The following AVEN variants were observed in gnomAD, a reference collection of about 807,000 sequenced individuals.
AVEN encodes cell death regulator Aven.
AVEN carries 41 observed loss-of-function variants against 38.1 expected under a neutral mutation model. That is an observed-to-expected ratio of 1.08 (90% CI 0.84 to 1.40). AVEN has a LOEUF of 1.40. AVEN is among the 40% of genes most tolerant of loss of function. The pLI, the probability that AVEN is intolerant of heterozygous loss-of-function variation, is 0.00. For missense variants in AVEN, 605 were observed against 438.8 expected, an observed-to-expected ratio of 1.38 and a Z score of -3.38; for synonymous variants, 206 against 171.8, an observed-to-expected ratio of 1.20 and a Z score of -1.56.
chr15:34,025,348 C>T (rs748172756), intron 1 of AVEN, among the ~76,000 whole-genome samples: 1 of 152,218 alleles, frequency 6.6e-6, no homozygotes, highest in Admixed American at 6.5e-5. Flanking sequence ...ATAAAATCGA[C>T]AAGAAGTTTA....
intron 1 of AVEN, among the ~76,000 whole-genome samples, chr15:34,016,989 G>A (rs1897943737): frequency 7.0e-6 from 1 of 141,936 alleles, no homozygotes; most frequent in South Asian, 2.4e-4. Context: ...AAATTAGCCA[G>A]GCATGGTGGC....
chr15:33,973,485 C>T (rs1332625732), intron 2 of AVEN, among the ~76,000 whole-genome samples: 17 of 152,152 alleles, frequency 1.1e-4, no homozygotes, highest in Admixed American at 7.9e-4. Context: ...TACAGAAGAG[C>T]TTCTCATGCC....
intron 2 of AVEN, among the ~76,000 whole-genome samples, chr15:33,903,199 G>C (rs116556833): frequency 0.051 from 7,837 of 152,260 alleles, 277 homozygotes; most frequent in African/African-American, 0.074. Flanking sequence ...GAGGGATTAT[G>C]CAGAATCCAT....
intron 2 of AVEN, among the ~76,000 whole-genome samples, chr15:33,885,076 T>C (rs1891649527): frequency 6.6e-6 from 1 of 152,168 alleles, no homozygotes; most frequent in South Asian, 2.1e-4. Context: ...TCTTCCTTTA[T>C]CTATCCCACA....
At chr15:34,038,366 G>A (rs889291749) in intron 1 of AVEN, among the ~76,000 whole-genome samples, 12 of 152,146 alleles carry the variant, frequency 7.9e-5, no homozygotes, top group African/African-American at 2.9e-4. Context: ...CTAATAACAG[G>A]AGCGTGCCCG....
intron 2 of AVEN, among the ~76,000 whole-genome samples, chr15:33,961,669 C>G (rs539965806): frequency 1.3e-5 from 2 of 151,476 alleles, no homozygotes; most frequent in South Asian, 2.1e-4. Context: ...AAAAATTAGC[C>G]GGGCGTGGTG....
intron 2 of AVEN, among the ~76,000 whole-genome samples, chr15:33,996,519 T>C (rs1230362248): frequency 6.6e-6 from 1 of 152,166 alleles, no homozygotes; most frequent in Non-Finnish European, 1.5e-5. Context: ...TGTCCTGCAA[T>C]ATTTGCTGTT....
At chr15:33,886,412 C>G (rs1891703807) in intron 2 of AVEN, among the ~76,000 whole-genome samples, 1 of 152,228 alleles carries the variant, frequency 6.6e-6, no homozygotes, top group Non-Finnish European at 1.5e-5. Flanking sequence ...AAGTGAGTCT[C>G]CTGCCTCACC....
At chr15:33,901,470 T>C (rs551491497) in intron 2 of AVEN, among the ~76,000 whole-genome samples, 1 of 152,326 alleles carries the variant, frequency 6.6e-6, no homozygotes, top group South Asian at 2.1e-4. Context: ...GAAATGAACA[T>C]AGAGTACAGA....
intron 1 of AVEN, among the ~76,000 whole-genome samples, chr15:34,008,218 C>G (rs1163278315): frequency 6.6e-6 from 1 of 151,856 alleles, no homozygotes; most frequent in Non-Finnish European, 1.5e-5. Context: ...GCCAGGAGTT[C>G]AAGACCAGCC....
At chr15:33,901,339 A>C (rs1163683843) in intron 2 of AVEN, among the ~76,000 whole-genome samples, 1 of 152,220 alleles carries the variant, frequency 6.6e-6, no homozygotes, top group Non-Finnish European at 1.5e-5. Flanking sequence ...ATATTCACAC[A>C]CTAGAAGTCC....
chr15:34,048,835 A>T (rs748088369), intron 5 of AVEN, among the ~76,000 whole-genome samples: 3 of 152,228 alleles, frequency 2.0e-5, no homozygotes, highest in Non-Finnish European at 4.4e-5. Context: ...CTCCAAAGGA[A>T]GGAGCAGTCT....
Position 33,962,868 on chromosome 15 carries a change from C to T in AVEN, c.445+40164G>A, listed in dbSNP as rs2140475306. 1.4e-5 allele frequency among the ~76,000 whole-genome samples: 2 copies of T among 141,864 alleles called. 1 individual carries two copies. The highest frequency in any genetic ancestry group is 1.4e-4 in the Admixed American group (2 of 14,048). 93.1% of individuals were successfully genotyped at this position (141,864 alleles called of 152,430 possible). The stretch of plus-strand genomic sequence containing the variant: ...CCAGGAGGCGGAGCTTGCAGTGAGC[C>T]GAGATCGCGCCACTGCACTCCAGCC... On this transcript the variant is annotated intron_variant, in intron 2 of 5. Coordinates refer to ENST00000306730, the MANE Select transcript of AVEN (RefSeq NM_020371.3).
At chr15:33,860,205 GTT>G (rs1407440380) in intron 11 of AVEN, among the ~76,000 whole-genome samples, 1 of 152,232 alleles carries the variant, frequency 6.6e-6, no homozygotes, top group African/African-American at 2.4e-5. Context: ...ACATGCAGGT[GTT>G]GAGGGCTAAG....
At chr15:33,954,542 T>C (rs952754215) in intron 2 of AVEN, among the ~76,000 whole-genome samples, 6 of 150,764 alleles carry the variant, frequency 4.0e-5, no homozygotes, top group Non-Finnish European at 7.4e-5. Flanking sequence ...CTGAGCAAAC[T>C]ATCACAAGGA....
chr15:33,930,882 G>A (rs574194364), intron 2 of AVEN, among the ~76,000 whole-genome samples: 1 of 151,494 alleles, frequency 6.6e-6, no homozygotes, highest in South Asian at 2.1e-4. Context: ...ATGAACCTGG[G>A]AGGCGGAGCT....
chr15:34,026,253 TAAC>T (rs2140739025), intron 1 of AVEN, among the ~76,000 whole-genome samples: 1 of 152,316 alleles, frequency 6.6e-6, no homozygotes, highest in African/African-American at 2.4e-5. Context: ...CATCAAATGT[TAAC>T]AGTGGTTATT....
chr15:34,019,033 T>C (rs1186715372), intron 1 of AVEN, among the ~76,000 whole-genome samples: 1 of 151,710 alleles, frequency 6.6e-6, no homozygotes, highest in Non-Finnish European at 1.5e-5. Flanking sequence ...GAGCGCTGAT[T>C]GGTGCGTTTT....
downstream of AVEN, chr15:33,865,095 T>C: frequency 6.5e-7 from 1 of 1,545,786 alleles, no homozygotes; most frequent in Non-Finnish European, 8.9e-7. Flanking sequence ...TTTACTGTGG[T>C]TTAAAAATAA....
Sources: allele counts gnomAD v4.1 joint callset (sites outside exome capture counted in the v4.1 genomes callset), GRCh38; gene constraint gnomAD v4.1.1; transcripts MANE v1.5; gene names NCBI Gene and HGNC (gene_info 2026-07-23, HGNC 2026-07-21).